SYNPO2: variants seen among roughly 807,000 people sequenced by gnomAD.
SYNPO2 encodes synaptopodin-2.
Under a neutral mutation model 85.0 loss-of-function variants are expected in SYNPO2, and 56 were observed. The observed-to-expected ratio is 0.66, with a 90% CI of 0.53 to 0.82. The LOEUF is 0.82. SYNPO2 is among the 40% of genes least tolerant of loss of function. The pLI, the probability that SYNPO2 is intolerant of heterozygous loss-of-function variation, is 0.00. For synonymous variants in SYNPO2, 602 were observed against 591.1 expected, an observed-to-expected ratio of 1.02 and a Z score of -0.27; for missense variants, 1,575 against 1,534.2, an observed-to-expected ratio of 1.03 and a Z score of -0.44.
At position 119,023,514 on chromosome 4, in the gene SYNPO2, C is replaced by G. The variant is rs1266518757; in HGVS notation, c.190C>G (p.Leu64Val). The G allele has an allele frequency of 1.2e-6, 2 of 1,614,064 alleles. No individual in the cohort carries two copies. The highest frequency in any genetic ancestry group is 1.1e-5 in the South Asian group (1 of 91,076). The stretch of plus-strand genomic sequence containing the variant: ...CATCAATGGCAACCCTTGTGCAGAT[C>G]TCACCTACCCTGAAGTCATCAAGCT... ...VSINGNPCADLTYPEVIKLME... is the reference protein window; with the variant it reads ...VSINGNPCADVTYPEVIKLME... Residue 64 changes from leucine (L) to valine (V), a missense_variant, in exon 2 of 5, where the codon CTC becomes GTC. By Grantham distance (32) the Leu-to-Val change is conservative. Transcript: ENST00000307142.
At chr4:118,907,894 C>T (rs1732989532) in intron 1 of SYNPO2, among the ~76,000 whole-genome samples, 1 of 152,134 alleles carries the variant, frequency 6.6e-6, no homozygotes, top group Non-Finnish European at 1.5e-5. Flanking sequence ...AGGAATGGTA[C>T]TTAATGTGCT....
At chr4:118,987,982 A>T (rs1032896081) in intron 1 of SYNPO2, among the ~76,000 whole-genome samples, 2 of 152,208 alleles carry the variant, frequency 1.3e-5, no homozygotes, top group Non-Finnish European at 2.9e-5. Flanking sequence ...CTCAATAAAT[A>T]TTAAAATTAT....
Position 118,972,064 on chromosome 4 carries a change from T to C in SYNPO2, c.106-51366T>C, listed in dbSNP as rs1322786286. Among the ~76,000 whole-genome samples the C allele has an allele frequency of 2.0e-5, 3 of 152,246 alleles. No homozygotes were observed. The East Asian group carries it at 5.8e-4, about 29-fold the overall frequency. ...ATTTAATCTCCACAGAAATTCTATG[T>C]AGGAGTTATCCTAACTTCTGACGAG... On this transcript the variant is annotated intron_variant, in intron 1 of 4. Coordinates refer to ENST00000307142, the MANE Select transcript of SYNPO2 (RefSeq NM_133477.3).
At chr4:119,005,455 G>T (rs1194548541) in intron 1 of SYNPO2, among the ~76,000 whole-genome samples, 1 of 148,888 alleles carries the variant, frequency 6.7e-6, no homozygotes, top group African/African-American at 2.5e-5. Flanking sequence ...TGGCTAGCCA[G>T]TTTTCCCAGC....
rs557067083 is a variant in SYNPO2, at chr4:119,050,030, T to A, written c.3253-7371T>A. Among the ~76,000 whole-genome samples the A allele has an allele frequency of 1.7e-3, 253 of 151,874 alleles. 1 individual carries two copies. Among genetic ancestry groups the A allele is most frequent in the African/African-American group, 4.5e-3 (187 of 41,452 alleles). ...GTTTGCATGGTTTTGAATCTTTTTT[T>A]TAAAAAAAAGATGTTCTCAGGCTGG... On this transcript the variant is annotated intron_variant, in intron 4 of 4. Transcript: ENST00000307142.
At chr4:118,949,824 G>T (rs1027019013) in intron 1 of SYNPO2, among the ~76,000 whole-genome samples, 1 of 152,108 alleles carries the variant, frequency 6.6e-6, no homozygotes, top group South Asian at 2.1e-4. Context: ...TTCTACACAT[G>T]CTATCAAGTC....
In SYNPO2 at chr4:119,061,201, C is replaced by T. The variant is rs569588805; in HGVS notation, c.*3267C>T. 1.4e-4 allele frequency: 22 copies of T among 152,028 alleles called. No homozygotes were observed. The highest frequency in any genetic ancestry group is 5.8e-4 in the East Asian group (3 of 5,166). 9.4% of individuals were successfully genotyped at this position (152,028 alleles called of 1,614,324 possible). On this transcript the variant is annotated 3_prime_UTR_variant, in exon 5 of 5. Transcript: ENST00000307142. The stretch of plus-strand genomic sequence containing the variant: ...AAAGACTGTATTTGAAATATGCATA[C>T]GGAAAATTGAAATTATATTAGTAAT...
intron 1 of SYNPO2, among the ~76,000 whole-genome samples, chr4:118,866,165 A>G (rs956738478): frequency 6.6e-6 from 1 of 152,212 alleles, no homozygotes; most frequent in South Asian, 2.1e-4. Flanking sequence ...TTCCAATTGC[A>G]GTATTATTGA....
upstream of SYNPO2, among the ~76,000 whole-genome samples, chr4:118,886,153 G>C (rs907083574): frequency 6.6e-6 from 1 of 152,154 alleles, no homozygotes; most frequent in African/African-American, 2.4e-5. Context: ...TTTGAAGCTA[G>C]ACTTGAGTGG....
At chr4:118,866,146 C>A (rs1731695796) in intron 1 of SYNPO2, among the ~76,000 whole-genome samples, 1 of 152,168 alleles carries the variant, frequency 6.6e-6, no homozygotes, top group Admixed American at 6.5e-5. Context: ...GTCTTTGTAG[C>A]CCATAGTTTT....
At chr4:118,912,788 T>C (rs1291340985) in intron 1 of SYNPO2, among the ~76,000 whole-genome samples, 2 of 152,182 alleles carry the variant, frequency 1.3e-5, no homozygotes, top group Admixed American at 6.5e-5. Flanking sequence ...AGGGTTTTAG[T>C]TGGGCAAGCT....
At position 119,027,336 on chromosome 4, in the gene SYNPO2, C is replaced by T; in HGVS notation, c.967C>T (p.Leu323=). 6.2e-7 allele frequency: 1 copy of T among 1,614,084 alleles called. No homozygotes were observed. ...AGGGCAGTCAGAAGCACCTCCTTCT[C>T]TGGTATCCTTTGCCGTCTCATCAGA... ...EGGQSEAPPS[L]VSFAVSSEGT... is the part of the protein sequence containing the mutation. The change falls in exon 3 of 5, where the codon CTG becomes TTG. Residue 323 remains leucine (L), a synonymous_variant. Transcript: ENST00000307142.
intron 4 of SYNPO2, chr4:119,036,967 G>A (rs1250248908): frequency 6.5e-5 from 85 of 1,298,356 alleles, no homozygotes; most frequent in Admixed American, 1.4e-4. Context: ...CAGGGTCCTA[G>A]AGTTTAAGTA....
intron 1 of SYNPO2, among the ~76,000 whole-genome samples, chr4:118,874,548 G>C (rs189137087): frequency 6.5e-4 from 99 of 152,270 alleles, no homozygotes; most frequent in African/African-American, 2.2e-3. Context: ...AACTAGCCCT[G>C]TGACTGAACC....
At chr4:119,018,525 T>C (rs1439637907) in intron 1 of SYNPO2, among the ~76,000 whole-genome samples, 1 of 152,128 alleles carries the variant, frequency 6.6e-6, no homozygotes, top group African/African-American at 2.4e-5. Flanking sequence ...TGGTTCTCCA[T>C]AGTGACTGGA....
chr4:118,946,551 G>A (rs544833180), intron 1 of SYNPO2, among the ~76,000 whole-genome samples: 3 of 152,088 alleles, frequency 2.0e-5, no homozygotes, highest in South Asian at 2.1e-4. Flanking sequence ...GTCAGCCTCC[G>A]CTTTCCTATG....
chr4:119,045,887 AAG>A (rs1482567978), intron 4 of SYNPO2, among the ~76,000 whole-genome samples: 3 of 152,220 alleles, frequency 2.0e-5, no homozygotes, highest in Non-Finnish European at 4.4e-5. Flanking sequence ...AAAGAAAGGT[AAG>A]AGGGTAAAAA....
intron 1 of SYNPO2, among the ~76,000 whole-genome samples, chr4:118,970,820 C>T (rs896372339): frequency 6.6e-6 from 1 of 152,142 alleles, no homozygotes; most frequent in Non-Finnish European, 1.5e-5. Flanking sequence ...TAGAAGAGGA[C>T]TAGAACACGG....
chr4:118,963,274 G>A (rs1012358809), intron 1 of SYNPO2, among the ~76,000 whole-genome samples: 2 of 152,062 alleles, frequency 1.3e-5, no homozygotes, highest in African/African-American at 4.8e-5. Context: ...TTTCATCTAG[G>A]AAAAATAAAC....
Sources: gnomAD v4.1 joint callset for allele counts (sites outside exome capture counted in the v4.1 genomes callset) on GRCh38, gnomAD v4.1.1 for gene constraint, MANE v1.5 for transcripts, NCBI Gene and HGNC (gene_info 2026-07-23, HGNC 2026-07-21) for gene names.